Variants in KCNH7 observed in about 807,000 individuals in gnomAD.
KCNH7 encodes the protein potassium voltage-gated channel subfamily H member 7.
Under a neutral mutation model 120.8 loss-of-function variants are expected in KCNH7, and 49 were observed. That is an observed-to-expected ratio of 0.41 (90% CI 0.32 to 0.51). KCNH7 has a LOEUF of 0.51. KCNH7 is among the 20% of genes least tolerant of loss of function. The probability of loss-of-function intolerance (pLI) is 0.38; values close to 1 mark genes in which losing one functional copy is unlikely to be tolerated. For missense variants in KCNH7, 1,097 were observed against 1,446.6 expected (o/e 0.76, Z 3.92); for synonymous variants, 547 against 516.1 (o/e 1.06, Z -0.81).
intron 11 of KCNH7, among the ~76,000 whole-genome samples, chr2:162,395,858 C>T (rs1686898138): frequency 6.6e-6 from 1 of 151,694 alleles, no homozygotes; most frequent in African/African-American, 2.4e-5. Context: ...TCTACCCCCT[C>T]TTACCTAACT....
intron 7 of KCNH7, among the ~76,000 whole-genome samples, chr2:162,442,465 A>G (rs1330105572): frequency 6.6e-6 from 1 of 152,220 alleles, no homozygotes; most frequent in African/African-American, 2.4e-5. Flanking sequence ...GTGTTACAGT[A>G]TCTTAACATT....
At chr2:162,656,184 T>A (rs1684754210) in intron 2 of KCNH7, among the ~76,000 whole-genome samples, 1 of 152,216 alleles carries the variant, frequency 6.6e-6, no homozygotes, top group South Asian at 2.1e-4. Flanking sequence ...AAATACTGTC[T>A]TGGAAGTAAA....
At chr2:162,833,462 ATAAT>A (rs766754707) in intron 2 of KCNH7, among the ~76,000 whole-genome samples, 16 of 152,280 alleles carry the variant, frequency 1.1e-4, no homozygotes, top group East Asian at 5.8e-4. Context: ...ATAGTTTTGT[ATAAT>A]TAGAGTTTTA....
At chr2:162,681,996 A>G (rs941080113) in intron 2 of KCNH7, among the ~76,000 whole-genome samples, 4 of 151,568 alleles carry the variant, frequency 2.6e-5, no homozygotes, top group Non-Finnish European at 5.9e-5. Flanking sequence ...TTTTTTTTCA[A>G]AAGTAATTTC....
rs1487085715 is a variant in KCNH7 at position 162,822,822 on chromosome 2, T to G, written c.307+13715A>C. Among the ~76,000 whole-genome samples, 15 of 152,318 alleles carry G rather than the reference T, an allele frequency of 9.8e-5. No individual in the cohort carries two copies. In the East Asian group the frequency reaches 2.9e-3, roughly 29 times the overall value. On this transcript the variant is annotated intron_variant, in intron 2 of 15. Coordinates refer to ENST00000332142, the MANE Select transcript of KCNH7 (RefSeq NM_033272.4). Reference sequence around the variant, plus strand: ...TACAGTGCATGGGAAACACAGGTATTATAATGCCTGTTGCTTCTAAAGGAG... The same window carrying G: ...TACAGTGCATGGGAAACACAGGTATGATAATGCCTGTTGCTTCTAAAGGAG...
chr2:162,578,062 T>C lies in KCNH7; in HGVS notation c.308-40982A>G, dbSNP rs148906641. Among the ~76,000 whole-genome samples, 634 of 152,046 alleles carry C rather than the reference T, an allele frequency of 4.2e-3. 7 individuals are homozygous for C. The highest frequency in any genetic ancestry group is 0.014 in the African/African-American group (600 of 41,504). The stretch of plus-strand genomic sequence containing the variant: ...CCAAAATCCATGATCCTTCCACTAG[T>C]ATTGGATTCCAAGGACTATGGAGAC... On this transcript the variant is annotated intron_variant, in intron 2 of 15. Transcript: ENST00000332142.
At chr2:162,592,062 GA>G (rs1694231296) in intron 2 of KCNH7, among the ~76,000 whole-genome samples, 1 of 152,090 alleles carries the variant, frequency 6.6e-6, no homozygotes, top group Non-Finnish European at 1.5e-5. Context: ...GGAAAAGCGA[GA>G]AGGGGAGGCA....
chr2:162,430,965 A>G (rs1420571254), intron 8 of KCNH7, among the ~76,000 whole-genome samples: 1 of 152,004 alleles, frequency 6.6e-6, no homozygotes, highest in African/African-American at 2.4e-5. Context: ...CAATTATTTA[A>G]TGACTTCACA....
At chr2:162,713,715 T>C (rs889048819) in intron 2 of KCNH7, among the ~76,000 whole-genome samples, 4 of 152,050 alleles carry the variant, frequency 2.6e-5, no homozygotes, top group African/African-American at 9.7e-5. Context: ...TATAGAGTAA[T>C]GTAGTATTAT....
At chr2:162,484,496 G>A (rs2105692313) in intron 6 of KCNH7, among the ~76,000 whole-genome samples, 1 of 152,268 alleles carries the variant, frequency 6.6e-6, no homozygotes. Context: ...ATAATGTGGT[G>A]AAGAAACCAG....
At chr2:162,463,077 C>A (rs1469836532) in intron 6 of KCNH7, among the ~76,000 whole-genome samples, 1 of 151,898 alleles carries the variant, frequency 6.6e-6, no homozygotes, top group African/African-American at 2.4e-5. Context: ...AATTAAGAGT[C>A]TGTAAAACCC....
intron 6 of KCNH7, among the ~76,000 whole-genome samples, chr2:162,455,664 G>T (rs772150674): frequency 6.6e-6 from 1 of 152,142 alleles, no homozygotes; most frequent in Non-Finnish European, 1.5e-5. Flanking sequence ...GTTGAGTCTT[G>T]GGATGGTGTA....
chr2:162,489,286 A>G (rs1037061151), intron 6 of KCNH7, among the ~76,000 whole-genome samples: 4 of 152,130 alleles, frequency 2.6e-5, no homozygotes, highest in African/African-American at 9.7e-5. Context: ...GATGTCCAAT[A>G]TTTTGGCTTC....
chr2:162,732,195 T>C lies in KCNH7; in HGVS notation c.307+104342A>G, dbSNP rs138170866. Among the ~76,000 whole-genome samples, 212 of 152,230 alleles carry C rather than the reference T, an allele frequency of 1.4e-3. 1 individual carries two copies. The highest frequency in any genetic ancestry group is 4.4e-3 in the African/African-American group (183 of 41,528). ...ACGTGTGAAGAGGATGGCAATACTC[T>C]TCTCCCTTTTCTGTAGCAAAGTATC... On this transcript the variant is annotated intron_variant, in intron 2 of 15. Coordinates refer to ENST00000332142, the MANE Select transcript of KCNH7 (RefSeq NM_033272.4).
At chr2:162,803,165 T>C (rs1684409097) in intron 2 of KCNH7, among the ~76,000 whole-genome samples, 1 of 151,788 alleles carries the variant, frequency 6.6e-6, no homozygotes, top group South Asian at 2.1e-4. Context: ...ACAAAATTAT[T>C]TACTCTAAAC....
chr2:162,501,293 T>C (rs925385828), intron 6 of KCNH7, among the ~76,000 whole-genome samples: 1 of 152,068 alleles, frequency 6.6e-6, no homozygotes, highest in African/African-American at 2.4e-5. Context: ...TTTTTTACAC[T>C]GTAAAAAAAG....
intron 6 of KCNH7, among the ~76,000 whole-genome samples, chr2:162,500,320 G>C (rs1001822795): frequency 2.1e-5 from 3 of 144,078 alleles, no homozygotes; most frequent in Non-Finnish European, 4.5e-5. Context: ...CACATAATAT[G>C]TATATTATAT....
chr2:162,407,807 A>G (rs948728748), intron 9 of KCNH7, among the ~76,000 whole-genome samples: 2 of 152,064 alleles, frequency 1.3e-5, no homozygotes, highest in Non-Finnish European at 2.9e-5. Context: ...GATTGATTGT[A>G]GATGACCTTA....
chr2:162,392,996 A>G (rs1237207553), intron 12 of KCNH7, among the ~76,000 whole-genome samples: 1 of 151,946 alleles, frequency 6.6e-6, no homozygotes, highest in Non-Finnish European at 1.5e-5. Flanking sequence ...GTGGCAGATT[A>G]TGGTAGCTTG....
Sources: gnomAD v4.1 joint callset for allele counts (sites outside exome capture counted in the v4.1 genomes callset) on GRCh38, gnomAD v4.1.1 for gene constraint, MANE v1.5 for transcripts, NCBI Gene and HGNC (gene_info 2026-07-23, HGNC 2026-07-21) for gene names.